Variants in MAPKAP1 observed in about 807,000 individuals in gnomAD.
The protein encoded by MAPKAP1 is target of rapamycin complex 2 subunit MAPKAP1.
A neutral mutation model predicts 65.7 loss-of-function variants in MAPKAP1; 20 were observed. The ratio of observed to expected loss-of-function variants is 0.30; its 90% CI spans 0.21 to 0.44. The LOEUF is 0.44. Among genes scored for constraint, MAPKAP1 ranks in the 20% least tolerant of loss-of-function variants. MAPKAP1 has a pLI of 1.00. For missense variants in MAPKAP1, 423 were observed against 648.0 expected (o/e 0.65, Z 3.77); for synonymous variants, 222 against 244.3 (o/e 0.91, Z 0.85).
chr9:125,686,661 T>C (rs1441213452), intron 1 of MAPKAP1, among the ~76,000 whole-genome samples: 1 of 152,196 alleles, frequency 6.6e-6, no homozygotes, highest in Non-Finnish European at 1.5e-5. Context: ...TCATTGCATG[T>C]TTGACCTCTA....
intron 1 of MAPKAP1, among the ~76,000 whole-genome samples, chr9:125,681,145 T>A (rs1261341787): frequency 6.6e-6 from 1 of 152,244 alleles, no homozygotes; most frequent in Non-Finnish European, 1.5e-5. Context: ...GTAGATTTTT[T>A]AAGACCACAA....
At chr9:125,540,394 G>A (rs1830207780) in intron 7 of MAPKAP1, among the ~76,000 whole-genome samples, 1 of 152,300 alleles carries the variant, frequency 6.6e-6, no homozygotes, top group African/African-American at 2.4e-5. Context: ...AAATGTCTGT[G>A]GGCAAGGAAC....
intron 8 of MAPKAP1, among the ~76,000 whole-genome samples, chr9:125,491,508 G>A (rs1462706290): frequency 2.0e-5 from 3 of 152,046 alleles, no homozygotes; most frequent in African/African-American, 4.8e-5. Flanking sequence ...CAGGCATGGT[G>A]GCTCACCCCT....
At chr9:125,693,788 T>C (rs1437820322) in intron 1 of MAPKAP1, among the ~76,000 whole-genome samples, 1 of 150,096 alleles carries the variant, frequency 6.7e-6, no homozygotes, top group Non-Finnish European at 1.5e-5. Context: ...TACACGTATA[T>C]ATATACACAC....
intron 1 of MAPKAP1, among the ~76,000 whole-genome samples, chr9:125,678,788 AT>A (rs1204911350): frequency 6.6e-6 from 1 of 152,176 alleles, no homozygotes; most frequent in African/African-American, 2.4e-5. Flanking sequence ...TCTTAATATA[AT>A]TTTGGATAAT....
chr9:125,643,809 G>A (rs946725202), intron 4 of MAPKAP1, among the ~76,000 whole-genome samples: 14 of 152,216 alleles, frequency 9.2e-5, no homozygotes, highest in African/African-American at 3.4e-4. Flanking sequence ...TTACCCTCCA[G>A]AAAACTTCGC....
chr9:125,619,008 C>T (rs1002252320), intron 4 of MAPKAP1, among the ~76,000 whole-genome samples: 11 of 152,202 alleles, frequency 7.2e-5, no homozygotes, highest in South Asian at 6.2e-4. Flanking sequence ...TGGTGCATGC[C>T]TTCTGTCCCA....
chr9:125,661,903 A>T (rs577753966), intron 3 of MAPKAP1, among the ~76,000 whole-genome samples: 14 of 152,308 alleles, frequency 9.2e-5, no homozygotes, highest in South Asian at 6.2e-4. Context: ...CAAATGACCC[A>T]ATTTCTTCAA....
chr9:125,527,915 C>T (rs940751264), intron 7 of MAPKAP1, among the ~76,000 whole-genome samples: 1 of 152,194 alleles, frequency 6.6e-6, no homozygotes, highest in Non-Finnish European at 1.5e-5. Flanking sequence ...GGAGTTTAAT[C>T]TCTGATAACC....
rs991288727 is a variant in MAPKAP1, at chr9:125,585,421, T to C, written c.671+134A>G. ...TGAGATGCACAGGCGCGAGACCTGG[T>C]GAGCACCCAGAGCTGGATCAGTGCA... On this transcript the variant is annotated intron_variant, in intron 5 of 11. Transcript: ENST00000265960. The C allele has an allele frequency of 4.5e-6, 4 of 881,884 alleles. No individual in the cohort carries two copies. The African/African-American group carries it at 6.7e-5, about 15-fold the overall frequency. 54.6% of individuals were successfully genotyped at this position (881,884 alleles called of 1,614,324 possible). A position where few individuals can be genotyped will look rare whatever the true frequency, so the allele number is the denominator to read the frequency against.
At chr9:125,461,817 G>A (rs943975532) in intron 10 of MAPKAP1, among the ~76,000 whole-genome samples, 7 of 152,100 alleles carry the variant, frequency 4.6e-5, no homozygotes, top group South Asian at 4.1e-4. Flanking sequence ...TGGATCTCCC[G>A]GGAGTGGACA....
chr9:125,488,026 C>T lies in MAPKAP1; in HGVS notation c.1067-3443G>A, dbSNP rs531119088. On this transcript the variant is annotated intron_variant, in intron 8 of 11. Coordinates refer to ENST00000265960, the MANE Select transcript of MAPKAP1 (RefSeq NM_001006617.3). ...GGTCTTAAAGCTATGAAATAACCAG[C>T]AAGGCTTGTCAATATCCTTGTATTA... Among the ~76,000 whole-genome samples the T allele has an allele frequency of 2.0e-5, 3 of 152,228 alleles. No individual in the cohort carries two copies. The East Asian group carries it at 5.8e-4, about 29-fold the overall frequency.
At chr9:125,604,472 T>C (rs1164190150) in intron 4 of MAPKAP1, among the ~76,000 whole-genome samples, 1 of 152,208 alleles carries the variant, frequency 6.6e-6, no homozygotes, top group African/African-American at 2.4e-5. Flanking sequence ...CCAGCTCCCC[T>C]TCTACCAGAG....
chr9:125,561,255 A>G (rs1830884234), intron 5 of MAPKAP1, among the ~76,000 whole-genome samples: 1 of 152,190 alleles, frequency 6.6e-6, no homozygotes, highest in South Asian at 2.1e-4. Context: ...AATTTTCCCA[A>G]TTAATTCACA....
At chr9:125,687,565 C>CGG (rs1554843497) in intron 1 of MAPKAP1, among the ~76,000 whole-genome samples, 1 of 149,438 alleles carries the variant, frequency 6.7e-6, no homozygotes, top group Non-Finnish European at 1.5e-5. Context: ...TCACTTAAGG[C>CGG]GGGGAGTTTG....
At chr9:125,503,327 G>T (rs1022190147) in intron 8 of MAPKAP1, among the ~76,000 whole-genome samples, 2 of 152,108 alleles carry the variant, frequency 1.3e-5, no homozygotes, top group East Asian at 1.9e-4. Context: ...TCCTCTAAAG[G>T]CTATCCACAA....
intron 5 of MAPKAP1, among the ~76,000 whole-genome samples, chr9:125,575,616 T>C (rs1384606982): frequency 6.6e-6 from 1 of 152,176 alleles, no homozygotes; most frequent in Non-Finnish European, 1.5e-5. Flanking sequence ...ATGCTCAACA[T>C]GATGTAATTA....
At chr9:125,466,987 T>C (rs1853704923) in intron 10 of MAPKAP1, among the ~76,000 whole-genome samples, 1 of 152,254 alleles carries the variant, frequency 6.6e-6, no homozygotes, top group South Asian at 2.1e-4. Context: ...TTATTGTTCC[T>C]TTTGAGTAAG....
chr9:125,505,318 G>A (rs569000209), intron 8 of MAPKAP1, among the ~76,000 whole-genome samples: 1 of 152,188 alleles, frequency 6.6e-6, no homozygotes, highest in Non-Finnish European at 1.5e-5. Context: ...CCAGCTACTC[G>A]GGAGGCTGAG....
Sources: gnomAD v4.1 joint callset for allele counts (sites outside exome capture counted in the v4.1 genomes callset) on GRCh38, gnomAD v4.1.1 for gene constraint, MANE v1.5 for transcripts, NCBI Gene and HGNC (gene_info 2026-07-23, HGNC 2026-07-21) for gene names.